Variants in IL1RAPL2 observed in about 807,000 individuals in gnomAD.
The protein encoded by IL1RAPL2 is interleukin 1 receptor accessory protein like 2.
A neutral mutation model predicts 44.1 loss-of-function variants in IL1RAPL2; 3 were observed. The observed-to-expected ratio is 0.07, with a 90% CI of 0.03 to 0.18. IL1RAPL2 has a LOEUF of 0.18. IL1RAPL2 is among the 10% of genes least tolerant of loss of function. The probability of loss-of-function intolerance (pLI) is 1.00; values close to 1 mark genes in which losing one functional copy is unlikely to be tolerated. For missense variants in IL1RAPL2, 391 were observed against 496.4 expected, an observed-to-expected ratio of 0.79 and a Z score of 2.02; for synonymous variants, 181 against 178.8, an observed-to-expected ratio of 1.01 and a Z score of -0.10.
intron 6 of IL1RAPL2, among the ~76,000 whole-genome samples, chrX:105,588,789 A>G (rs1447176600): frequency 8.9e-6 from 1 of 112,056 alleles, no homozygotes; most frequent in Admixed American, 9.5e-5. Flanking sequence ...CCAGTCTACT[A>G]TTGATGAGCA....
chrX:105,634,298 C>A (rs2037509679), intron 6 of IL1RAPL2, among the ~76,000 whole-genome samples: 1 of 110,887 alleles, frequency 9.0e-6, no homozygotes, highest in African/African-American at 3.3e-5. Flanking sequence ...TAAGACTAAG[C>A]CCCCTGCCCA....
At chrX:104,644,097 TTTA>T (rs1187162455) in intron 1 of IL1RAPL2, among the ~76,000 whole-genome samples, 1 of 111,727 alleles carries the variant, frequency 9.0e-6, no homozygotes, top group Non-Finnish European at 1.9e-5. Flanking sequence ...TAAAGTTTAT[TTTA>T]TTATTGTTAT....
chrX:105,435,401 G>A (rs1280198227), intron 5 of IL1RAPL2, among the ~76,000 whole-genome samples: 1 of 111,244 alleles, frequency 9.0e-6, no homozygotes, highest in Admixed American at 9.6e-5. Context: ...AACAGATGCT[G>A]GCAAGGCTGT....
chrX:104,942,955 G>T (rs1021743849), intron 2 of IL1RAPL2, among the ~76,000 whole-genome samples: 3 of 111,757 alleles, frequency 2.7e-5, no homozygotes, highest in African/African-American at 9.8e-5. Flanking sequence ...AGATAATCAT[G>T]TGGTTTTTGT....
At chrX:104,963,084 C>A (rs2030039923) in intron 2 of IL1RAPL2, among the ~76,000 whole-genome samples, 1 of 111,855 alleles carries the variant, frequency 8.9e-6, no homozygotes, top group Admixed American at 9.5e-5. Flanking sequence ...TCCTTGGGAT[C>A]TCAGCAGTCA....
intron 6 of IL1RAPL2, among the ~76,000 whole-genome samples, chrX:105,530,486 TG>T (rs1162269059): frequency 2.7e-5 from 3 of 111,219 alleles, no homozygotes; most frequent in Admixed American, 9.6e-5. Flanking sequence ...TATACATCTA[TG>T]GGGTACATGA....
At chrX:105,715,665 G>T (rs1031988314) in intron 6 of IL1RAPL2, among the ~76,000 whole-genome samples, 4 of 111,346 alleles carry the variant, frequency 3.6e-5, no homozygotes, top group African/African-American at 1.3e-4. Flanking sequence ...GGGTACATGG[G>T]CTTGAGTTTA....
At chrX:104,700,957 C>T (rs781656433) in intron 2 of IL1RAPL2, among the ~76,000 whole-genome samples, 9 of 111,764 alleles carry the variant, frequency 8.1e-5, no homozygotes, top group African/African-American at 2.3e-4. Context: ...TTGTAAAAAA[C>T]AATTCTTTGA....
chrX:104,656,416 C>T (rs1234233247), intron 1 of IL1RAPL2, among the ~76,000 whole-genome samples: 1 of 111,681 alleles, frequency 9.0e-6, no homozygotes, highest in Admixed American at 9.5e-5. Context: ...TTATTTCTGC[C>T]TTCATTTCGT....
intron 2 of IL1RAPL2, among the ~76,000 whole-genome samples, chrX:104,950,115 G>A (rs1369812865): frequency 9.0e-6 from 1 of 111,705 alleles, no homozygotes; most frequent in East Asian, 2.8e-4. Context: ...TGTATTGGGT[G>A]CGTATATATT....
At chrX:105,290,247 G>A (rs1441956542) in intron 5 of IL1RAPL2, among the ~76,000 whole-genome samples, 1 of 111,467 alleles carries the variant, frequency 9.0e-6, no homozygotes. Context: ...AATAAGATAT[G>A]GTCTCTGCCT....
intron 2 of IL1RAPL2, among the ~76,000 whole-genome samples, chrX:104,766,368 G>GGCCTGCCTGCCTGCCT (rs3081246): frequency 1.7e-5 from 1 of 60,255 alleles, no homozygotes; most frequent in Non-Finnish European, 4.0e-5. Flanking sequence ...ATTCCTGGCT[G>GGCCTGCCTGCCTGCCT]GCCTGCCTGC....
At chrX:104,585,539 A>G (rs1289092153) in intron 1 of IL1RAPL2, among the ~76,000 whole-genome samples, 1 of 94,442 alleles carries the variant, frequency 1.1e-5, no homozygotes, top group Non-Finnish European at 2.1e-5. Context: ...TTATTTCATC[A>G]CCCAGGTGTT....
At chrX:105,023,801 G>T (rs2031320409) in intron 2 of IL1RAPL2, among the ~76,000 whole-genome samples, 1 of 111,271 alleles carries the variant, frequency 9.0e-6, no homozygotes, top group African/African-American at 3.3e-5. Flanking sequence ...CATTTAATAA[G>T]AAAGCCTTTT....
chrX:104,925,580 A>C (rs1924755714), intron 2 of IL1RAPL2, among the ~76,000 whole-genome samples: 1 of 112,405 alleles, frequency 8.9e-6, no homozygotes, highest in Non-Finnish European at 1.9e-5. Flanking sequence ...CATCACATAA[A>C]CAGAACTAAA....
At chrX:104,666,967 A>C (rs1043256873) in intron 2 of IL1RAPL2, among the ~76,000 whole-genome samples, 8 of 111,744 alleles carry the variant, frequency 7.2e-5, no homozygotes, top group Non-Finnish European at 1.5e-4. Flanking sequence ...AGACTGTCAT[A>C]GAGAAGCATG....
chrX:104,854,048 A>G (rs1922297096), intron 2 of IL1RAPL2, among the ~76,000 whole-genome samples: 1 of 111,941 alleles, frequency 8.9e-6, no homozygotes, highest in African/African-American at 3.2e-5. Flanking sequence ...GAATGATCTG[A>G]TGAAATGATG....
At chrX:104,843,365 C>A (rs1921961276) in intron 2 of IL1RAPL2, among the ~76,000 whole-genome samples, 1 of 111,285 alleles carries the variant, frequency 9.0e-6, no homozygotes, top group Admixed American at 9.5e-5. Context: ...ACCCACTGAG[C>A]AACACTGCTT....
At chrX:105,595,570 G>A (rs1024677003) in intron 6 of IL1RAPL2, among the ~76,000 whole-genome samples, 3 of 110,424 alleles carry the variant, frequency 2.7e-5, no homozygotes, top group Non-Finnish European at 5.7e-5. Flanking sequence ...TATTTTCATC[G>A]GAGGTATTGG....
Sources: gnomAD v4.1 joint callset for allele counts (sites outside exome capture counted in the v4.1 genomes callset) on GRCh38, gnomAD v4.1.1 for gene constraint, MANE v1.5 for transcripts, NCBI Gene and HGNC (gene_info 2026-07-23, HGNC 2026-07-21) for gene names.